TRAPPC9: variants seen among roughly 807,000 people sequenced by gnomAD.
TRAPPC9 encodes IKK2 binding protein.
A neutral mutation model predicts 124.0 loss-of-function variants in TRAPPC9; 83 were observed. The ratio of observed to expected loss-of-function variants is 0.67; its 90% CI spans 0.56 to 0.80. The LOEUF is 0.80. TRAPPC9 is among the 30% of genes least tolerant of loss of function. TRAPPC9 has a pLI of 0.00. For missense variants in TRAPPC9, 1,302 were observed against 1,508.3 expected (o/e 0.86, Z 2.27); for synonymous variants, 638 against 617.5 (o/e 1.03, Z -0.49).
intron 17 of TRAPPC9, among the ~76,000 whole-genome samples, chr8:140,050,349 T>C (rs1841908666): frequency 6.6e-6 from 1 of 152,198 alleles, no homozygotes; most frequent in Non-Finnish European, 1.5e-5. Flanking sequence ...AGAATTAACG[T>C]CTGTGGAAAA....
rs1350560266 is a variant in TRAPPC9 at position 140,257,532 on chromosome 8, G to A, written c.2279-4603C>T. Among the ~76,000 whole-genome samples the A allele has an allele frequency of 2.6e-5, 4 of 152,200 alleles. No homozygotes were observed. The highest frequency in any genetic ancestry group is 4.4e-5 in the Non-Finnish European group (3 of 68,036). ...GACCCCGTGCCATGCGAGCGCACAG[G>A]GGAGGGAGGAAAGAAGCACACGTCC... is the stretch of plus-strand genomic sequence containing the variant. On this transcript the variant is annotated intron_variant, in intron 15 of 22. Coordinates refer to ENST00000438773, the MANE Select transcript of TRAPPC9 (RefSeq NM_001160372.4). The surrounding 1 kb of genome is among the most constrained non-coding windows in gnomAD (Gnocchi z 4.6).
intron 17 of TRAPPC9, among the ~76,000 whole-genome samples, chr8:140,086,657 C>T (rs1160960637): frequency 1.3e-5 from 2 of 152,180 alleles, no homozygotes; most frequent in Non-Finnish European, 2.9e-5. Flanking sequence ...CGTGGTGGCT[C>T]ATGCCTGTAA....
At chr8:140,115,513 A>G (rs2060864032) in intron 17 of TRAPPC9, among the ~76,000 whole-genome samples, 3 of 152,082 alleles carry the variant, frequency 2.0e-5, no homozygotes, top group Admixed American at 2.0e-4. Context: ...ATGATCCACC[A>G]GCCTTGGCCT....
chr8:140,285,135 A>C (rs1369286822), intron 13 of TRAPPC9, among the ~76,000 whole-genome samples: 2 of 152,332 alleles, frequency 1.3e-5, no homozygotes, highest in Admixed American at 1.3e-4. Flanking sequence ...AGTCCTTTTG[A>C]CCTTGTTCCC....
intron 15 of TRAPPC9, among the ~76,000 whole-genome samples, chr8:140,272,365 A>T (rs115905224): frequency 3.7e-3 from 245 of 65,598 alleles, no homozygotes; most frequent in Middle Eastern, 0.03. Context: ...GAGTGGTGGT[A>T]GTGAGGGTGG....
Position 140,445,283 on chromosome 8 carries a change from C to T in TRAPPC9, c.584+5507G>A, listed in dbSNP as rs73358312. ...TATATCACAGCTTCGTGCCCCAGCA[C>T]CTAGCACAGCACATGGCAAGCTTCC... On this transcript the variant is annotated intron_variant, in intron 2 of 22. Transcript: ENST00000438773. Among the ~76,000 whole-genome samples, 936 of 152,336 alleles carry T rather than the reference C, an allele frequency of 6.1e-3. 9 individuals are homozygous for T. Among genetic ancestry groups the T allele is most frequent in the African/African-American group, 0.021 (889 of 41,584 alleles).
chr8:140,376,243 G>A (rs1050989505), intron 7 of TRAPPC9, among the ~76,000 whole-genome samples: 5 of 152,140 alleles, frequency 3.3e-5, no homozygotes, highest in African/African-American at 9.7e-5. Context: ...AGTAGTAGAG[G>A]AGATAGGTCC....
At chr8:140,160,049 T>C (rs1359468329) in intron 17 of TRAPPC9, among the ~76,000 whole-genome samples, 1 of 152,202 alleles carries the variant, frequency 6.6e-6, no homozygotes, top group Non-Finnish European at 1.5e-5. Context: ...GAAAAAACGC[T>C]CATCATCACT....
chr8:140,291,116 G>A, intron 11 of TRAPPC9, 38 bp from the exon 12 acceptor site: 2 of 1,577,612 alleles, frequency 1.3e-6, no homozygotes, highest in Non-Finnish European at 8.7e-7. Context: ...CCATGTATTA[G>A]TTGGTATTTT....
At chr8:140,426,129 AAG>A (rs1214964376) in intron 5 of TRAPPC9, among the ~76,000 whole-genome samples, 1 of 152,218 alleles carries the variant, frequency 6.6e-6, no homozygotes, top group Non-Finnish European at 1.5e-5. Context: ...ACTGTAATAA[AAG>A]AGGTTTTTGC....
chr8:140,398,281 G>GA (rs947961434), intron 6 of TRAPPC9, among the ~76,000 whole-genome samples: 6 of 152,158 alleles, frequency 3.9e-5, no homozygotes, highest in Admixed American at 1.3e-4. Flanking sequence ...GAGTGTTGCT[G>GA]AAAAAATACC....
intron 19 of TRAPPC9, among the ~76,000 whole-genome samples, chr8:139,922,425 G>A (rs773082385): frequency 1.7e-4 from 26 of 152,206 alleles, no homozygotes; most frequent in Non-Finnish European, 3.1e-4. Context: ...CTCATGATCC[G>A]CCTGCCTTGG....
intron 6 of TRAPPC9, among the ~76,000 whole-genome samples, chr8:140,402,233 G>C (rs973580830): frequency 6.6e-6 from 1 of 151,624 alleles, no homozygotes; most frequent in Non-Finnish European, 1.5e-5. Context: ...AGCCAGGTGC[G>C]GTGGGATGCA....
chr8:139,828,790 C>T (rs1825795016), intron 21 of TRAPPC9, among the ~76,000 whole-genome samples: 1 of 152,186 alleles, frequency 6.6e-6, no homozygotes, highest in Non-Finnish European at 1.5e-5. Context: ...CCAGCAGGCC[C>T]TCTGTCCCCC....
At chr8:140,130,885 A>G (rs981812891) in intron 17 of TRAPPC9, among the ~76,000 whole-genome samples, 2 of 152,238 alleles carry the variant, frequency 1.3e-5, no homozygotes, top group African/African-American at 4.8e-5. Context: ...GCCAAGCACA[A>G]TAAATGTTCA....
chr8:139,820,609 A>G (rs1302130156), intron 21 of TRAPPC9, among the ~76,000 whole-genome samples: 1 of 152,260 alleles, frequency 6.6e-6, no homozygotes, highest in Non-Finnish European at 1.5e-5. Context: ...AATAACTACA[A>G]AAGCCATAAA....
At chr8:140,288,603 C>T (rs141883835) in intron 12 of TRAPPC9, among the ~76,000 whole-genome samples, 4 of 152,188 alleles carry the variant, frequency 2.6e-5, no homozygotes, top group Non-Finnish European at 5.9e-5. Context: ...AAAAGTCATA[C>T]AGGCAATTAC....
At chr8:140,196,063 TAC>T in intron 17 of TRAPPC9, among the ~76,000 whole-genome samples, 1 of 50,674 alleles carries the variant, frequency 2.0e-5, no homozygotes, top group Admixed American at 2.4e-4. Flanking sequence ...ACAATTCACA[TAC>T]AGACCACACC....
intron 21 of TRAPPC9, among the ~76,000 whole-genome samples, chr8:139,756,731 G>A (rs1261323404): frequency 2.2e-5 from 3 of 134,928 alleles, no homozygotes; most frequent in African/African-American, 8.7e-5. Flanking sequence ...CAGGTCGCAG[G>A]AGGAGCCAGG....
Sources: allele counts gnomAD v4.1 joint callset (sites outside exome capture counted in the v4.1 genomes callset), GRCh38; gene constraint gnomAD v4.1.1; non-coding constraint Gnocchi (gnomAD v3.1); transcripts MANE v1.5; gene names NCBI Gene and HGNC (gene_info 2026-07-23, HGNC 2026-07-21).